ARHGAP22: variants seen among roughly 807,000 people sequenced by gnomAD.
ARHGAP22 encodes Rho GTPase activating protein 22.
Under a neutral mutation model 59.1 loss-of-function variants are expected in ARHGAP22, and 48 were observed. The ratio of observed to expected loss-of-function variants is 0.81; its 90% confidence interval spans 0.64 to 1.03. ARHGAP22 has a LOEUF of 1.03. Among genes scored for constraint, ARHGAP22 ranks in the 50% least tolerant of loss-of-function variants. ARHGAP22 has a pLI of 0.00. For synonymous variants in ARHGAP22, 445 were observed against 416.4 expected (o/e 1.07, Z -0.84); for missense variants, 1,015 against 958.7 (o/e 1.06, Z -0.78).
At chr10:48,568,610 T>G (rs2058201313) in intron 2 of ARHGAP22, among the ~76,000 whole-genome samples, 1 of 152,250 alleles carries the variant, frequency 6.6e-6, no homozygotes, top group Admixed American at 6.5e-5. Context: ...TTTTAGTATT[T>G]TCTCTGATCT....
At chr10:48,524,045 G>T (rs1295437687) in intron 3 of ARHGAP22, 16 of 1,476,310 alleles carry the variant, frequency 1.1e-5, no homozygotes, top group Non-Finnish European at 1.4e-5. Flanking sequence ...CGTGCGCGCC[G>T]GAGTTACCTT....
intron 1 of ARHGAP22, among the ~76,000 whole-genome samples, chr10:48,614,859 A>G (rs966863311): frequency 7.2e-5 from 11 of 152,330 alleles, no homozygotes; most frequent in Non-Finnish European, 1.3e-4. Flanking sequence ...GTTTTGACCT[A>G]TTTGGTAGTT....
chr10:48,469,008 G>A (rs1243351051), intron 4 of ARHGAP22, among the ~76,000 whole-genome samples: 2 of 152,200 alleles, frequency 1.3e-5, no homozygotes, highest in African/African-American at 4.8e-5. Flanking sequence ...ATGTTAAAGA[G>A]CAGGGGCCAA....
upstream of ARHGAP22, among the ~76,000 whole-genome samples, chr10:48,655,272 CG>C (rs1565071297): frequency 1.4e-4 from 12 of 87,152 alleles, no homozygotes; most frequent in Admixed American, 3.4e-4. Flanking sequence ...GGGGGGGGGG[CG>C]GGGGACGCTG....
rs994596407 is a variant in ARHGAP22, at chr10:48,625,583, C to T, written c.52+26651G>A. 2.6e-5 allele frequency among the ~76,000 whole-genome samples: 4 copies of T among 152,284 alleles called. No homozygotes were observed. In the South Asian group the frequency reaches 8.3e-4, roughly 32 times the overall value. On this transcript the variant is annotated intron_variant, in intron 1 of 9. Coordinates refer to the ARHGAP22 transcript ENST00000435790. ...TTCCAGTGCCGTTATTTTGCATTTT[C>T]ACCCTGAAACACTTTTCTTCTGTTT...
At chr10:48,609,610 C>T (rs1589151422), upstream of ARHGAP22, among the ~76,000 whole-genome samples, 3 of 152,308 alleles carry the variant, frequency 2.0e-5, no homozygotes, top group Middle Eastern at 3.4e-3. Context: ...CTATAGCCGA[C>T]ATTCTCACTG....
intron 2 of ARHGAP22, among the ~76,000 whole-genome samples, chr10:48,579,517 C>G (rs998642099): frequency 1.3e-5 from 2 of 152,208 alleles, no homozygotes; most frequent in African/African-American, 4.8e-5. Context: ...CCTGGTCTTT[C>G]CATTTGAGCT....
intron 3 of ARHGAP22, among the ~76,000 whole-genome samples, chr10:48,490,575 C>T (rs2050288944): frequency 6.6e-6 from 1 of 152,170 alleles, no homozygotes; most frequent in African/African-American, 2.4e-5. Context: ...TGTGGCATGT[C>T]CAAGAATTCT....
chr10:48,435,044 G>A, the ARHGAP22 span: 38 of 1,519,158 alleles, frequency 2.5e-5, 2 homozygotes, highest in South Asian at 4.4e-4. Context: ...TTGGGCCATC[G>A]GGGGGTGGGA....
intron 1 of ARHGAP22, among the ~76,000 whole-genome samples, chr10:48,601,954 A>G (rs1055576460): frequency 2.0e-4 from 30 of 152,202 alleles, no homozygotes; most frequent in Admixed American, 1.8e-3. Context: ...AGGTCTTCAG[A>G]TAGTGTTGGG....
At chr10:48,650,146 CTTTTTTTT>C (rs11386532) in intron 1 of ARHGAP22, among the ~76,000 whole-genome samples, 63 of 82,078 alleles carry the variant, frequency 7.7e-4, no homozygotes, top group African/African-American at 2.4e-3. Flanking sequence ...GCTGGAGACT[CTTTTTTTT>C]TTTTTTTTTT....
chr10:48,518,788 G>C (rs1294487565), intron 3 of ARHGAP22, among the ~76,000 whole-genome samples: 2 of 152,236 alleles, frequency 1.3e-5, no homozygotes, highest in African/African-American at 4.8e-5. Flanking sequence ...CTTGTTGGGA[G>C]AGGCCACTGC....
chr10:48,458,537 G>C (rs2046808843), intron 5 of ARHGAP22, among the ~76,000 whole-genome samples: 1 of 152,164 alleles, frequency 6.6e-6, no homozygotes, highest in African/African-American at 2.4e-5. Flanking sequence ...TTTGAGTAGG[G>C]GAGTGGCAAG....
chr10:48,654,991 CCTCT>C (rs1217394146), upstream of ARHGAP22, among the ~76,000 whole-genome samples: 4 of 134,640 alleles, frequency 3.0e-5, no homozygotes, highest in East Asian at 2.1e-4. Context: ...TTCCTCCCTT[CCTCT>C]CTCTCTTTCT....
chr10:48,474,716 G>C (rs758197727), intron 4 of ARHGAP22, among the ~76,000 whole-genome samples: 2 of 137,682 alleles, frequency 1.5e-5, no homozygotes, highest in African/African-American at 5.4e-5. Flanking sequence ...CTACTAAGAC[G>C]GTCATGTGTT....
chr10:48,586,485 T>A (rs149741350), intron 1 of ARHGAP22, among the ~76,000 whole-genome samples: 10 of 152,300 alleles, frequency 6.6e-5, no homozygotes, highest in Non-Finnish European at 1.3e-4. Context: ...ATGCAGAATT[T>A]GTTTCCTAAA....
chr10:48,544,132 AG>A (rs1363936296), intron 3 of ARHGAP22, among the ~76,000 whole-genome samples: 4 of 151,888 alleles, frequency 2.6e-5, no homozygotes, highest in Non-Finnish European at 5.9e-5. Context: ...AAAAAAAAAA[AG>A]AGAAAGGACT....
At chr10:48,605,420 G>A (rs1198179297), upstream of ARHGAP22, among the ~76,000 whole-genome samples, 1 of 151,186 alleles carries the variant, frequency 6.6e-6, no homozygotes, top group Non-Finnish European at 1.5e-5. Context: ...CTGGGAAGGA[G>A]CAAGCAGCCC....
intron 2 of ARHGAP22, among the ~76,000 whole-genome samples, chr10:48,580,511 C>T (rs995745730): frequency 7.9e-5 from 12 of 152,128 alleles, no homozygotes; most frequent in African/African-American, 1.4e-4. Flanking sequence ...AGTCCTGTTC[C>T]GAGGAGGCAG....
Sources: gnomAD v4.1 joint callset for allele counts (sites outside exome capture counted in the v4.1 genomes callset) on GRCh38, gnomAD v4.1.1 for gene constraint, MANE v1.5 for transcripts, NCBI Gene and HGNC (gene_info 2026-07-23, HGNC 2026-07-21) for gene names.